MYO16: variants seen among roughly 807,000 people sequenced by gnomAD.
MYO16 encodes myosin XVI, also known as unconventional myosin-XVI.
Under a neutral mutation model 205.3 loss-of-function variants are expected in MYO16, and 94 were observed. That is an observed-to-expected ratio of 0.46 (90% CI 0.39 to 0.54). MYO16 has a LOEUF of 0.54. Ranked by LOEUF, MYO16 falls within the 20% of genes least tolerant of loss-of-function variation. The probability of loss-of-function intolerance (pLI) is 0.00; values close to 1 mark genes in which losing one functional copy is unlikely to be tolerated. For synonymous variants in MYO16, 988 were observed against 954.0 expected (o/e 1.04, Z -0.66); for missense variants, 2,315 against 2,387.5 (o/e 0.97, Z 0.63).
At chr13:108,903,480 T>C (rs757497083) in intron 15 of MYO16, among the ~76,000 whole-genome samples, 40 of 152,304 alleles carry the variant, frequency 2.6e-4, no homozygotes, top group Non-Finnish European at 5.7e-4. Flanking sequence ...CAAAGAAGGT[T>C]ACATTCCAAG....
chr13:108,624,784 AGTGTGTGTGTGTGTGTGT>A (rs6145237), upstream of MYO16, among the ~76,000 whole-genome samples: 2 of 90,754 alleles, frequency 2.2e-5, no homozygotes, highest in Admixed American at 1.4e-4. Flanking sequence ...ATATAGCCTG[AGTGTGTGTGTGTGTGTGT>A]GTGTGTGTGT....
intron 21 of MYO16, among the ~76,000 whole-genome samples, chr13:108,996,132 T>G (rs887912993): frequency 2.6e-5 from 4 of 152,158 alleles, no homozygotes; most frequent in African/African-American, 9.7e-5. Context: ...CACATGCACA[T>G]GTATGTTTAT....
intron 7 of MYO16, among the ~76,000 whole-genome samples, chr13:108,819,687 A>G (rs1017849032): frequency 2.6e-5 from 4 of 152,152 alleles, no homozygotes; most frequent in Admixed American, 2.0e-4. Flanking sequence ...TTTAAAATAT[A>G]TGTTAATTTA....
intron 2 of MYO16, among the ~76,000 whole-genome samples, chr13:108,710,675 A>G (rs986096087): frequency 2.0e-5 from 3 of 152,236 alleles, no homozygotes; most frequent in Non-Finnish European, 4.4e-5. Flanking sequence ...TCCAGGTCTC[A>G]TGCTGAAACC....
chr13:109,129,867 G>A (rs2139781200), intron 31 of MYO16, among the ~76,000 whole-genome samples: 2 of 151,796 alleles, frequency 1.3e-5, no homozygotes, highest in Middle Eastern at 6.8e-3. Flanking sequence ...AAAGGTTTGT[G>A]TGCACCTTAA....
intron 12 of MYO16, among the ~76,000 whole-genome samples, chr13:108,871,591 C>A (rs932690141): frequency 6.6e-6 from 1 of 152,128 alleles, no homozygotes; most frequent in African/African-American, 2.4e-5. Context: ...AAAAGTTGAG[C>A]CCCCTTACGG....
In MYO16 at chr13:109,140,136, C is replaced by T. The variant is rs1876971254; in HGVS notation, c.4052-128C>T. On this transcript the variant is annotated intron_variant, in intron 31 of 34. Transcript: ENST00000457511. This position sits in a 1 kb window ranked among gnomAD's most constrained non-coding sequence, Gnocchi z 8.0. The stretch of plus-strand genomic sequence containing the variant: ...CCAGGGAGCCTAGTGGGTGGAGGAA[C>T]ATGCAGGCCCGGTCCCTTGGGATTC... 3 of 1,438,080 alleles carry T rather than the reference C, an allele frequency of 2.1e-6. No individual in the cohort carries two copies. The highest frequency in any genetic ancestry group is 2.7e-5 in the Admixed American group (1 of 36,964). 89.1% of individuals were successfully genotyped at this position (1,438,080 alleles called of 1,614,324 possible).
chr13:109,024,189 A>C (rs565269939), intron 23 of MYO16, among the ~76,000 whole-genome samples: 1 of 151,394 alleles, frequency 6.6e-6, no homozygotes, highest in Non-Finnish European at 1.5e-5. Flanking sequence ...GAAAACAGCA[A>C]TCTTAGACTT....
chr13:108,576,114 GC>G, the MYO16 span, among the ~76,000 whole-genome samples: 1 of 152,146 alleles, frequency 6.6e-6, no homozygotes. Context: ...GCTCAGAGAA[GC>G]TGGTAAGCTG....
intron 2 of MYO16, among the ~76,000 whole-genome samples, chr13:108,673,793 G>A (rs1882091476): frequency 6.6e-6 from 1 of 152,054 alleles, no homozygotes. Context: ...TTCTGATGAT[G>A]TTGCCTTTAT....
chr13:108,732,087 G>T (rs1470751059), intron 4 of MYO16, among the ~76,000 whole-genome samples: 1 of 152,174 alleles, frequency 6.6e-6, no homozygotes, highest in East Asian at 1.9e-4. Flanking sequence ...ATACATTCCT[G>T]CCAATAACCT....
At chr13:108,659,904 T>C (rs1319427888) in intron 1 of MYO16, among the ~76,000 whole-genome samples, 1 of 152,132 alleles carries the variant, frequency 6.6e-6, no homozygotes, top group African/African-American at 2.4e-5. Context: ...TCGATTAGTA[T>C]AGATATTAGT....
At chr13:108,648,500 T>A (rs898782914) in intron 1 of MYO16, among the ~76,000 whole-genome samples, 8 of 152,166 alleles carry the variant, frequency 5.3e-5, no homozygotes, top group Admixed American at 1.3e-4. Context: ...GTTCTCATTA[T>A]AAGCACAGCA....
intron 23 of MYO16, among the ~76,000 whole-genome samples, chr13:109,039,941 C>T (rs1487806070): frequency 4.0e-5 from 6 of 151,726 alleles, no homozygotes; most frequent in African/African-American, 1.2e-4. Context: ...ATATGAGTGA[C>T]AAAGAGAAAA....
chr13:108,969,560 C>A (rs1188490047), intron 20 of MYO16, among the ~76,000 whole-genome samples: 1 of 152,220 alleles, frequency 6.6e-6, no homozygotes, highest in Non-Finnish European at 1.5e-5. Context: ...CAGATAACAG[C>A]CATTCTCCCC....
At chr13:109,129,190 T>A (rs1297354688) in intron 31 of MYO16, among the ~76,000 whole-genome samples, 1 of 152,054 alleles carries the variant, frequency 6.6e-6, no homozygotes, top group Non-Finnish European at 1.5e-5. Flanking sequence ...GAATAGACCT[T>A]TAGGATATTT....
intron 1 of MYO16, among the ~76,000 whole-genome samples, chr13:108,660,518 T>C (rs1311587129): frequency 6.6e-6 from 1 of 152,214 alleles, no homozygotes; most frequent in Admixed American, 6.5e-5. Context: ...CTTTTACCAT[T>C]ATATAATGTC....
chr13:108,989,652 A>G lies in MYO16; in HGVS notation c.2370-2724A>G, dbSNP rs191299097. On this transcript the variant is annotated intron_variant, in intron 20 of 34. Transcript: ENST00000457511. ...TGATAAGTCTTTAAAAGCATTTCTC[A>G]TAGTCTTCTTGGAATAGGTTCCTAT... Among the ~76,000 whole-genome samples, 44 of 152,290 alleles carry G rather than the reference A, an allele frequency of 2.9e-4. No homozygotes were observed. In the Middle Eastern group the frequency reaches 0.014, roughly 47 times the overall value.
At chr13:109,115,624 T>C (rs1875641995) in intron 28 of MYO16, among the ~76,000 whole-genome samples, 1 of 152,178 alleles carries the variant, frequency 6.6e-6, no homozygotes, top group Admixed American at 6.5e-5. Context: ...TGAATCTTAA[T>C]TTATTGGATT....
Sources: gnomAD v4.1 joint callset for allele counts (sites outside exome capture counted in the v4.1 genomes callset) on GRCh38, gnomAD v4.1.1 for gene constraint, Gnocchi (gnomAD v3.1) non-coding constraint, MANE v1.5 for transcripts, NCBI Gene and HGNC (gene_info 2026-07-23, HGNC 2026-07-21) for gene names.